The following UBR4 variants were observed in gnomAD, a reference collection of about 807,000 sequenced individuals.
UBR4 encodes ubiquitin protein ligase E3 component n-recognin 4.
Under a neutral mutation model 575.6 loss-of-function variants are expected in UBR4, and 124 were observed. That is an observed-to-expected ratio of 0.22 (90% CI 0.19 to 0.25). UBR4 has a LOEUF of 0.25. UBR4 is among the 10% of genes least tolerant of loss of function. The pLI, the probability that UBR4 is intolerant of heterozygous loss-of-function variation, is 1.00. For missense variants in UBR4, 4,818 were observed against 6,478.8 expected (o/e 0.74, Z 8.80); for synonymous variants, 2,455 against 2,473.7 (o/e 0.99, Z 0.22).
intron 1 of UBR4, among the ~76,000 whole-genome samples, chr1:19,204,051 T>G (rs2092882086): frequency 6.6e-6 from 1 of 152,238 alleles, no homozygotes; most frequent in Non-Finnish European, 1.5e-5. Flanking sequence ...CAGGCTACAA[T>G]GTAGTGGCAC....
intron 20 of UBR4, 109 bp downstream of exon 20, chr1:19,176,483 T>A: frequency 7.4e-7 from 1 of 1,343,792 alleles, no homozygotes; most frequent in Non-Finnish European, 1.0e-6. Flanking sequence ...CCATAGGGAT[T>A]ACACTAAAGC....
Position 19,074,908 on chromosome 1 carries a change from A to T in UBR4, c.15488-12T>A. Reference sequence around the variant, plus strand: ...TTCTGATAAAAGACCTGCAAAGCACAACGGGCAGAGGTGTGTCAGGAGCAG... The same window carrying T: ...TTCTGATAAAAGACCTGCAAAGCACTACGGGCAGAGGTGTGTCAGGAGCAG... On this transcript the variant is annotated splice_polypyrimidine_tract_variant and intron_variant, in intron 105 of 105. Coordinates refer to ENST00000375254, the MANE Select transcript of UBR4 (RefSeq NM_020765.3). 2 of 1,613,832 alleles carry T rather than the reference A, an allele frequency of 1.2e-6. No individual in the cohort carries two copies. The highest frequency in any genetic ancestry group is 2.2e-5 in the South Asian group (2 of 91,002).
intron 94 of UBR4, among the ~76,000 whole-genome samples, chr1:19,094,659 G>A (rs2077849438): frequency 6.6e-6 from 1 of 152,244 alleles, no homozygotes; most frequent in Non-Finnish European, 1.5e-5. Context: ...ACTGAGACAT[G>A]CCAGGATTCC....
Position 19,151,631 on chromosome 1 carries a change from T to C in UBR4, c.7213+12A>G, listed in dbSNP as rs372865219. The C allele has an allele frequency of 1.2e-6, 2 of 1,613,754 alleles. No homozygotes were observed. The highest frequency in any genetic ancestry group is 2.7e-5 in the African/African-American group (2 of 74,884). On this transcript the variant is annotated intron_variant, in intron 48 of 105. Coordinates refer to ENST00000375254, the MANE Select transcript of UBR4 (RefSeq NM_020765.3). Reference sequence around the variant, plus strand: ...ATGAGGACAGAGTCTGCACCAGGGGTTGGTGACTCACTGAAGAGGTTCAGC... The same window carrying C: ...ATGAGGACAGAGTCTGCACCAGGGGCTGGTGACTCACTGAAGAGGTTCAGC...
At chr1:19,138,959 C>A in intron 59 of UBR4, 124 bp downstream of exon 59, 2 of 1,243,128 alleles carry the variant, frequency 1.6e-6, no homozygotes, top group Non-Finnish European at 2.1e-6. Context: ...AGAGAGTCCA[C>A]AAGACTTTCA....
At chr1:19,112,451 C>G (rs1477006207) in intron 78 of UBR4, 73 bp downstream of exon 78, 4 of 1,516,230 alleles carry the variant, frequency 2.6e-6, no homozygotes, top group Admixed American at 4.0e-5. Flanking sequence ...TCTGTGCACT[C>G]TCTAACGCTC....
In UBR4 at chr1:19,192,271, G is replaced by A. The variant is rs1192971461; in HGVS notation, c.1311C>T (p.Asp437=). 6.2e-7 allele frequency: 1 copy of A among 1,614,156 alleles called. No individual in the cohort carries two copies. The highest frequency in any genetic ancestry group is 8.5e-7 in the Non-Finnish European group (1 of 1,180,036). ...TALADKGKEK[D]PLAALRVRDI... Reference sequence around the variant, plus strand: ...CTCTGACTCGGAGGGCAGCCAGTGGGTCCTTCTCTTTCCCCTTATCAGCCA... The same window carrying A: ...CTCTGACTCGGAGGGCAGCCAGTGGATCCTTCTCTTTCCCCTTATCAGCCA... The change falls in exon 11 of 106, where the codon GAC becomes GAT. Residue 437 remains aspartate, a synonymous_variant. Transcript: ENST00000375254.
At chr1:19,119,050 C>T in intron 70 of UBR4, 93 bp from the exon 71 acceptor site, 1 of 1,092,434 alleles carries the variant, frequency 9.2e-7, no homozygotes, top group South Asian at 1.4e-5. Context: ...CTGAATACTG[C>T]CCTAGACCTA....
In UBR4 at chr1:19,161,739, A is replaced by C; in HGVS notation, c.5028-3T>G. The C allele has an allele frequency of 6.2e-7, 1 of 1,613,146 alleles. No individual in the cohort carries two copies. The highest frequency in any genetic ancestry group is 1.7e-5 in the Admixed American group (1 of 59,962). ...TTTTACAGGTGTGACAGTGGTACCT[A>C]CAAAGAACAAGAACCAGCAAATAAG... On this transcript the variant is annotated splice_region_variant and splice_polypyrimidine_tract_variant and intron_variant, in intron 36 of 105. Coordinates refer to ENST00000375254, the MANE Select transcript of UBR4 (RefSeq NM_020765.3).
chr1:19,148,784 C>A (rs945725386), intron 49 of UBR4, among the ~76,000 whole-genome samples, 158 bp from the exon 50 acceptor site: 1 of 152,220 alleles, frequency 6.6e-6, no homozygotes, highest in African/African-American at 2.4e-5. Flanking sequence ...CCATGCATAT[C>A]GTTTCCTACG....
rs1315117715 is a variant in UBR4 at position 19,114,031 on chromosome 1, G to T, written c.11242C>A (p.Arg3748=). 1 of 1,614,164 alleles carries T rather than the reference G, an allele frequency of 6.2e-7. No homozygotes were observed. Among genetic ancestry groups the T allele is most frequent in the Non-Finnish European group, 8.5e-7 (1 of 1,180,020 alleles). Residue 3748 remains arginine, a synonymous_variant, in exon 76 of 106, where the codon CGA becomes AGA. Coordinates refer to ENST00000375254, the MANE Select transcript of UBR4 (RefSeq NM_020765.3). ...NINTLLDKAD[R]VYHQLMGHRP... ...TGTCCCATCAGCTGATGATACACTC[G>T]ATCAGCTTTGTCCAAAAGTGTATTG...
At chr1:19,123,096 C>T in intron 65 of UBR4, 36 bp from the exon 66 acceptor site, 2 of 1,603,636 alleles carry the variant, frequency 1.2e-6, no homozygotes, top group Non-Finnish European at 1.7e-6. Flanking sequence ...GTAAATGACT[C>T]TGGGACTGTA....
At chr1:19,109,118 A>C (rs1263428883) in intron 81 of UBR4, among the ~76,000 whole-genome samples, 1 of 152,236 alleles carries the variant, frequency 6.6e-6, no homozygotes, top group African/African-American at 2.4e-5. Flanking sequence ...CTTAGCACTC[A>C]AAAAGCAATC....
chr1:19,094,769 G>A, intron 94 of UBR4, 137 bp downstream of exon 94: 2 of 1,169,592 alleles, frequency 1.7e-6, no homozygotes, highest in Admixed American at 2.5e-5. Context: ...ATCATTAGTT[G>A]AGTCCTAACA....
At chr1:19,121,691 T>C (rs185525812) in intron 67 of UBR4, among the ~76,000 whole-genome samples, 146 of 152,348 alleles carry the variant, frequency 9.6e-4, no homozygotes, top group African/African-American at 3.2e-3. Flanking sequence ...TCTTTGACTT[T>C]ACTGCCACTA....
At chr1:19,140,666 G>A in intron 58 of UBR4, 122 bp downstream of exon 58, 1 of 1,026,204 alleles carries the variant, frequency 9.7e-7, no homozygotes. Context: ...CTAAAGCCAA[G>A]GCAGAAGCAG....
Position 19,163,790 on chromosome 1 carries a change from G to A in UBR4, c.4738C>T (p.Leu1580=). Residue 1580 remains leucine (L), a synonymous_variant, in exon 34 of 106, where the codon CTG becomes TTG. Transcript: ENST00000375254. ...TTTCCATGCATTACATTGGCATTCA[G>A]TTTTTCAACTACATTCTTCTGTGAC... ...YLSQKNVVEK[L]NANVMHGKHV... is the part of the protein sequence containing the mutation. 6.2e-7 allele frequency: 1 copy of A among 1,614,032 alleles called. No individual in the cohort carries two copies. Among genetic ancestry groups the A allele is most frequent in the Non-Finnish European group, 8.5e-7 (1 of 1,180,006 alleles).
chr1:19,164,217 A>G, intron 33 of UBR4, 36 bp downstream of exon 33: 1 of 1,588,370 alleles, frequency 6.3e-7, no homozygotes, highest in African/African-American at 1.3e-5. Flanking sequence ...CTCAAGATCA[A>G]TGTTGTAACC....
At chr1:19,200,538 C>T (rs148749163) in intron 2 of UBR4, among the ~76,000 whole-genome samples, 24 of 152,022 alleles carry the variant, frequency 1.6e-4, no homozygotes, top group African/African-American at 4.1e-4. Context: ...TCACTTCAGC[C>T]CAGGAGTTTG....
Sources: gnomAD v4.1 joint callset for allele counts (sites outside exome capture counted in the v4.1 genomes callset) on GRCh38, gnomAD v4.1.1 for gene constraint, MANE v1.5 for transcripts, NCBI Gene and HGNC (gene_info 2026-07-23, HGNC 2026-07-21) for gene names.